The following LARS1 variants were observed in gnomAD, a reference collection of about 807,000 sequenced individuals.
LARS1 encodes the protein leucine--tRNA ligase, cytoplasmic.
A neutral mutation model predicts 162.8 loss-of-function variants in LARS1; 100 were observed. The ratio of observed to expected loss-of-function variants is 0.61; its 90% CI spans 0.52 to 0.73. The LOEUF (loss-of-function observed/expected upper bound fraction) is 0.73, where lower values mean the gene tolerates loss of function less well. LARS1 is among the 30% of genes least tolerant of loss of function. The pLI, the probability that LARS1 is intolerant of heterozygous loss-of-function variation, is 0.00. For synonymous variants in LARS1, 457 were observed against 462.8 expected, an observed-to-expected ratio of 0.99 and a Z score of 0.16; for missense variants, 1,258 against 1,408.9, an observed-to-expected ratio of 0.89 and a Z score of 1.71.
chr5:146,151,892 C>G lies in LARS1; in HGVS notation c.1395G>C (p.Glu465Asp). The part of the protein sequence containing the change: ...NDREKLAEAK[E>D]KIYLKGFYEG... The stretch of plus-strand genomic sequence containing the variant: ...CATAAAATCCTTTTAGATATATCTT[C>G]TCCTTTGCTTCTGCAAGTTTTTCCC... Residue 465 changes from glutamate to aspartate, a missense_variant, in exon 14 of 32, where the codon GAG becomes GAC. Coordinates refer to ENST00000394434, the MANE Select transcript of LARS1 (RefSeq NM_020117.11). 6.2e-7 allele frequency: 1 copy of G among 1,614,042 alleles called. No individual in the cohort carries two copies. The highest frequency in any genetic ancestry group is 8.5e-7 in the Non-Finnish European group (1 of 1,179,966).
chr5:146,166,278 A>C (rs1228428971), intron 5 of LARS1, among the ~76,000 whole-genome samples: 1 of 152,216 alleles, frequency 6.6e-6, no homozygotes, highest in Non-Finnish European at 1.5e-5. Flanking sequence ...GGAATGTCTA[A>C]TGGACACAGG....
chr5:146,139,063 C>T (rs1185392490), intron 21 of LARS1: 5 of 273,020 alleles, frequency 1.8e-5, no homozygotes, highest in South Asian at 3.1e-5. Context: ...AAAAAAATGG[C>T]CGAGTGCAGT....
intron 29 of LARS1, among the ~76,000 whole-genome samples, chr5:146,123,483 G>A (rs576537301): frequency 9.9e-5 from 15 of 151,808 alleles, no homozygotes; most frequent in Non-Finnish European, 1.9e-4. Context: ...AAAAAAACAC[G>A]GCAAGACATG....
At chr5:146,148,504 T>A (rs1366771835) in intron 15 of LARS1, among the ~76,000 whole-genome samples, 1 of 152,146 alleles carries the variant, frequency 6.6e-6, no homozygotes, top group Admixed American at 6.5e-5. Context: ...AACCAAAAGC[T>A]GAGGATGAAA....
chr5:146,138,555 T>C (rs1397528859), intron 21 of LARS1, among the ~76,000 whole-genome samples: 1 of 151,352 alleles, frequency 6.6e-6, no homozygotes, highest in African/African-American at 2.4e-5. Flanking sequence ...ACTGAAACCC[T>C]GTCTCTACTA....
At chr5:146,173,454 G>A (rs1227896488) in intron 2 of LARS1, among the ~76,000 whole-genome samples, 1 of 149,752 alleles carries the variant, frequency 6.7e-6, no homozygotes, top group Non-Finnish European at 1.5e-5. Context: ...TATATATAAA[G>A]CAATTCAAAG....
Position 146,130,015 on chromosome 5 carries a change from T to TAC in LARS1, c.2628+1_2628+2dup. The TAC allele has an allele frequency of 6.2e-7, 1 of 1,600,976 alleles. No homozygotes were observed. The highest frequency in any genetic ancestry group is 8.5e-7 in the Non-Finnish European group (1 of 1,175,794). On this transcript the variant is annotated splice_region_variant and intron_variant, in intron 25 of 31. Coordinates refer to ENST00000394434, the MANE Select transcript of LARS1 (RefSeq NM_020117.11). ...TCGAAACATTTTAAATGCATGAAGG[T>TAC]ACCTTTCCCAGGAGTGTCCAGATGT...
At chr5:146,164,238 A>G in intron 6 of LARS1, 72 bp downstream of exon 6, 11 of 1,448,942 alleles carry the variant, frequency 7.6e-6, no homozygotes, top group Non-Finnish European at 9.5e-6. Context: ...TCTGGAAAGC[A>G]CAATAAAGCA....
chr5:146,182,529 T>C lies in LARS1; in HGVS notation c.-36A>G, dbSNP rs776624303. 5.0e-6 allele frequency: 8 copies of C among 1,613,828 alleles called. 1 individual carries two copies. The South Asian group carries it at 8.8e-5, about 18-fold the overall frequency. The stretch of plus-strand genomic sequence containing the variant: ...AGCCGACTGTGCAAATCCACGACAA[T>C]GACCCTGGCGACCTCCACAAAGGAG... On this transcript the variant is annotated 5_prime_UTR_variant, in exon 1 of 32. Transcript: ENST00000394434.
At chr5:146,175,081 T>C (rs1023649901) in intron 2 of LARS1, among the ~76,000 whole-genome samples, 1 of 151,966 alleles carries the variant, frequency 6.6e-6, no homozygotes, top group Non-Finnish European at 1.5e-5. Context: ...TACCTGGGTG[T>C]GGTGGCGTGC....
intron 15 of LARS1, among the ~76,000 whole-genome samples, chr5:146,146,020 G>A (rs1247090459): frequency 1.3e-5 from 2 of 152,174 alleles, no homozygotes; most frequent in Non-Finnish European, 2.9e-5. Context: ...AGAAATTGGT[G>A]GCATTAAATA....
chr5:146,176,718 T>G (rs1484654499), intron 2 of LARS1, among the ~76,000 whole-genome samples: 1 of 152,182 alleles, frequency 6.6e-6, no homozygotes, highest in Non-Finnish European at 1.5e-5. Context: ...TTTTCCCAAA[T>G]ATCATGTCAT....
At chr5:146,180,867 TCTTTG>T (rs1355194916) in intron 1 of LARS1, 1 of 152,160 alleles carries the variant, frequency 6.6e-6, no homozygotes, top group Non-Finnish European at 1.5e-5. Context: ...GCCAAATAAT[TCTTTG>T]TTTTCAGGGG....
In LARS1 at chr5:146,135,620, A is replaced by T; in HGVS notation, c.2193T>A (p.Ile731=). The change falls in exon 22 of 32, where the codon ATT becomes ATA. Residue 731 remains isoleucine (I), a synonymous_variant. Coordinates refer to ENST00000394434, the MANE Select transcript of LARS1 (RefSeq NM_020117.11). The stretch of plus-strand genomic sequence containing the variant: ...ACTCACCATCTGCTGAAAATTTGTC[A>T]ATAGCTTGGGTCAAAGTGAGGAAGT... The part of the protein sequence containing the change: ...TGNFLTLTQA[I]DKFSADGMRL... 6.2e-7 allele frequency: 1 copy of T among 1,605,216 alleles called. No homozygotes were observed. The highest frequency in any genetic ancestry group is 8.5e-7 in the Non-Finnish European group (1 of 1,177,214).
At position 146,177,577 on chromosome 5, in the gene LARS1, A is replaced by C. The variant is rs1289757615; in HGVS notation, c.95T>G (p.Val32Gly). ...CTGTTTCTCTAAATTAGATGCATTGACCTCAAACACTCTCTCAGTATCCCA... is the reference window on the plus strand; with the variant it reads ...CTGTTTCTCTAAATTAGATGCATTGCCCTCAAACACTCTCTCAGTATCCCA... ...QKWDTERVFEVNASNLEKQTS... is the reference protein window; with the variant it reads ...QKWDTERVFEGNASNLEKQTS... The change falls in exon 2 of 32, where the codon GTC becomes GGC. Residue 32 changes from valine to glycine, a missense_variant. Transcript: ENST00000394434. 6.3e-7 allele frequency: 1 copy of C among 1,594,260 alleles called. No individual in the cohort carries two copies. Among genetic ancestry groups the C allele is most frequent in the Admixed American group, 1.7e-5 (1 of 59,178 alleles).
chr5:146,144,143 G>A (rs1752909715), intron 18 of LARS1, 124 bp downstream of exon 18: 3 of 691,616 alleles, frequency 4.3e-6, no homozygotes, highest in East Asian at 2.7e-5. Flanking sequence ...TGACCATCCA[G>A]AGGAAACTTA....
chr5:146,139,093 A>G, intron 21 of LARS1: 1 of 255,114 alleles, frequency 3.9e-6, no homozygotes, highest in South Asian at 4.0e-5. Context: ...CTGTAATCGC[A>G]GCACTTTGGG....
rs3840516 is a variant in LARS1, at chr5:146,143,111, T to TTATATATATA, written c.1878-37_1878-28dup. On this transcript the variant is annotated intron_variant, in intron 19 of 31. Coordinates refer to ENST00000394434, the MANE Select transcript of LARS1 (RefSeq NM_020117.11). ...TGTATTAAAAATAAAACAAACTATT[T>TTATATATATA]TATATATATATATATGTAATTTCTT... 2.3e-4 allele frequency: 254 copies of TTATATATATA among 1,081,404 alleles called. No individual in the cohort carries two copies. The East Asian group carries it at 4.6e-3, about 19-fold the overall frequency. 67.0% of individuals were successfully genotyped at this position (1,081,404 alleles called of 1,614,324 possible). A position where few individuals can be genotyped will look rare whatever the true frequency, so the allele number is the denominator to read the frequency against.
chr5:146,177,778 T>G, intron 1 of LARS1, 113 bp from the exon 2 acceptor site: 1 of 449,632 alleles, frequency 2.2e-6, no homozygotes, highest in Non-Finnish European at 4.0e-6. Flanking sequence ...TTTCCATGGT[T>G]ATCTTGAAAT....
Sources: allele counts gnomAD v4.1 joint callset (sites outside exome capture counted in the v4.1 genomes callset), GRCh38; gene constraint gnomAD v4.1.1; transcripts MANE v1.5; gene names NCBI Gene and HGNC (gene_info 2026-07-23, HGNC 2026-07-21).